Variants in DMD observed in about 807,000 individuals in gnomAD.
DMD encodes dystrophin, also known as mutant dystrophin.
DMD carries 63 observed loss-of-function variants against 330.1 expected under a neutral mutation model. The ratio of observed to expected loss-of-function variants is 0.19; its 90% confidence interval spans 0.16 to 0.24. DMD has a LOEUF of 0.24. Ranked by LOEUF, DMD falls within the 10% of genes least tolerant of loss-of-function variation. The pLI is 1.00. For missense variants in DMD, 3,344 were observed against 2,684.1 expected (o/e 1.25, Z -5.43); for synonymous variants, 1,223 against 959.8 (o/e 1.27, Z -5.07).
chrX:33,326,137 G>T (rs1171315862), intron 1 of DMD, among the ~76,000 whole-genome samples: 1 of 110,882 alleles, frequency 9.0e-6, no homozygotes, highest in Non-Finnish European at 1.9e-5. Flanking sequence ...AGGGAAGAAG[G>T]ATGCAATGGA....
intron 43 of DMD, among the ~76,000 whole-genome samples, chrX:32,229,487 C>T (rs772527219): frequency 9.5e-6 from 1 of 104,871 alleles, no homozygotes; most frequent in South Asian, 4.3e-4. Context: ...CTAAATTTTT[C>T]TATACCTTCC....
intron 1 of DMD, among the ~76,000 whole-genome samples, chrX:33,163,633 T>TATCTATGTATCTATGTATCA (rs1569557025): frequency 9.5e-6 from 1 of 105,739 alleles, no homozygotes; most frequent in African/African-American, 3.5e-5. Flanking sequence ...TCTATCTATC[T>TATCTATGTATCTATGTATCA]ATCTATCTAT....
At chrX:32,351,394 A>G (rs1399471975) in intron 37 of DMD, among the ~76,000 whole-genome samples, 3 of 110,699 alleles carry the variant, frequency 2.7e-5, no homozygotes, top group Middle Eastern at 4.6e-3. Flanking sequence ...AGTTTGGTAG[A>G]GTTACATAAT....
chrX:31,214,519 A>G, intron 64 of DMD, among the ~76,000 whole-genome samples: 1 of 111,715 alleles, frequency 9.0e-6, no homozygotes, highest in East Asian at 2.8e-4. Flanking sequence ...AGCCTAGCCT[A>G]CCTTCAATGT....
Position 33,314,559 on chromosome X carries a change from G to GTTT in DMD, c.7+24697_7+24699dup, listed in dbSNP as rs764129742. The stretch of plus-strand genomic sequence containing the variant: ...ATGCGTGATCCACTGTGCCCAGCCT[G>GTTT]TTTTTTTTTTGTTTTTTTTTTTTTT... On this transcript the variant is annotated intron_variant, in intron 1 of 17. Transcript: ENST00000288447. Among the ~76,000 whole-genome samples, 230 of 57,445 alleles carry GTTT rather than the reference G, an allele frequency of 4.0e-3. 17 individuals carry two copies. Among genetic ancestry groups the GTTT allele is most frequent in the African/African-American group, 0.014 (207 of 14,900 alleles). 49.9% of individuals were successfully genotyped at this position (57,445 alleles called of 115,157 possible).
intron 1 of DMD, among the ~76,000 whole-genome samples, chrX:33,062,398 T>G (rs1424571501): frequency 1.8e-5 from 2 of 112,686 alleles, no homozygotes; most frequent in Non-Finnish European, 3.7e-5. Context: ...TCATTATGCA[T>G]AATTGCATAA....
intron 1 of DMD, among the ~76,000 whole-genome samples, chrX:33,336,614 T>C (rs2054259161): frequency 9.0e-6 from 1 of 111,624 alleles, no homozygotes; most frequent in Non-Finnish European, 1.9e-5. Context: ...GAGAAAACAA[T>C]CTGAGTTTGA....
intron 6 of DMD, among the ~76,000 whole-genome samples, chrX:32,816,221 C>T (rs1436395485): frequency 1.8e-5 from 2 of 111,869 alleles, no homozygotes; most frequent in Non-Finnish European, 1.9e-5. Context: ...TACTCTCCCC[C>T]TCCACTATAA....
At chrX:31,922,525 T>TGTGTGTGTGCGCGC (rs773093542) in intron 47 of DMD, among the ~76,000 whole-genome samples, 3 of 106,361 alleles carry the variant, frequency 2.8e-5, no homozygotes, top group African/African-American at 1.0e-4. Context: ...TGTGTGTGTG[T>TGTGTGTGTGCGCGC]GCGCGCGCGT....
intron 53 of DMD, among the ~76,000 whole-genome samples, chrX:31,676,622 A>G (rs1216944259): frequency 8.9e-6 from 1 of 111,873 alleles, no homozygotes; most frequent in African/African-American, 3.2e-5. Context: ...TTGGAAGAGG[A>G]AGCCTGTGAG....
chrX:32,597,181 G>A (rs1291385839), intron 12 of DMD, among the ~76,000 whole-genome samples: 6 of 111,619 alleles, frequency 5.4e-5, no homozygotes, highest in African/African-American at 1.6e-4. Flanking sequence ...CCTACCTAGA[G>A]CAGCTTTTCA....
At chrX:33,175,362 T>A (rs2049592437) in intron 1 of DMD, among the ~76,000 whole-genome samples, 1 of 112,308 alleles carries the variant, frequency 8.9e-6, no homozygotes, top group East Asian at 2.8e-4. Flanking sequence ...GAACTAGATT[T>A]GTTACAAAAA....
chrX:32,528,952 C>T (rs931906984), intron 17 of DMD, among the ~76,000 whole-genome samples: 17 of 93,316 alleles, frequency 1.8e-4, no homozygotes, highest in Non-Finnish European at 3.3e-4. Context: ...GACGGAGTCT[C>T]GCTCTGTTGC....
intron 1 of DMD, among the ~76,000 whole-genome samples, chrX:33,046,868 C>T (rs779603464): frequency 2.7e-5 from 3 of 112,140 alleles, no homozygotes; most frequent in Non-Finnish European, 5.6e-5. Context: ...TTGCTAGACA[C>T]TGAGATTTTT....
At chrX:32,405,925 C>A (rs967013174) in intron 30 of DMD, among the ~76,000 whole-genome samples, 5 of 111,251 alleles carry the variant, frequency 4.5e-5, no homozygotes, top group Non-Finnish European at 7.6e-5. Context: ...TCTTTTATTT[C>A]ATTGAGCAGT....
At chrX:31,431,021 T>C (rs994731714) in intron 60 of DMD, among the ~76,000 whole-genome samples, 1 of 108,893 alleles carries the variant, frequency 9.2e-6, no homozygotes, top group Non-Finnish European at 1.9e-5. Context: ...AGGATGGTCT[T>C]GATCTCCTGA....
intron 9 of DMD, among the ~76,000 whole-genome samples, chrX:32,686,376 G>A (rs2062862267): frequency 1.8e-5 from 2 of 109,453 alleles, no homozygotes; most frequent in African/African-American, 6.7e-5. Flanking sequence ...TGGCCAAAAT[G>A]GGGAAACCTC....
chrX:32,626,844 G>C lies in DMD; in HGVS notation c.1332-12391C>G, dbSNP rs147118695. On this transcript the variant is annotated intron_variant, in intron 11 of 78. Coordinates refer to ENST00000357033, the MANE Select transcript of DMD (RefSeq NM_004006.3). ...TAAAAGAGGGAGAGAAAAAAGAAAAGAAATCCAAGATAGGTTAAAAAACAG... is the reference window on the plus strand; with the variant it reads ...TAAAAGAGGGAGAGAAAAAAGAAAACAAATCCAAGATAGGTTAAAAAACAG... 9.1e-3 allele frequency among the ~76,000 whole-genome samples: 951 copies of C among 104,624 alleles called. 176 individuals are homozygous for C. Among genetic ancestry groups the C allele is most frequent in the African/African-American group, 0.036 (894 of 24,518 alleles). 90.9% of individuals were successfully genotyped at this position (104,624 alleles called of 115,157 possible).
At chrX:32,611,386 C>T (rs935900182) in intron 12 of DMD, among the ~76,000 whole-genome samples, 1 of 111,067 alleles carries the variant, frequency 9.0e-6, no homozygotes, top group Non-Finnish European at 1.9e-5. Context: ...ACATAATCAA[C>T]TTGCATATAC....
Sources: gnomAD v4.1 joint callset for allele counts (sites outside exome capture counted in the v4.1 genomes callset) on GRCh38, gnomAD v4.1.1 for gene constraint, MANE v1.5 for transcripts, NCBI Gene and HGNC (gene_info 2026-07-23, HGNC 2026-07-21) for gene names.